Variants in MYRIP observed in about 807,000 individuals in gnomAD.
The protein encoded by MYRIP is myosin VIIA and Rab interacting protein.
A neutral mutation model predicts 98.0 loss-of-function variants in MYRIP; 49 were observed. That is an observed-to-expected ratio of 0.50 (90% confidence interval 0.40 to 0.63). The LOEUF (loss-of-function observed/expected upper bound fraction) is 0.63. Ranked by LOEUF, MYRIP falls within the 30% of genes least tolerant of loss-of-function variation. The pLI is 0.00. For missense variants in MYRIP, 1,004 were observed against 1,058.2 expected, an observed-to-expected ratio of 0.95 and a Z score of 0.71; for synonymous variants, 404 against 409.5, an observed-to-expected ratio of 0.99 and a Z score of 0.16.
chr3:39,809,666 G>A lies in MYRIP; in HGVS notation c.-281G>A, dbSNP rs1043343751. Reference sequence around the variant, plus strand: ...CTCCCTCGCAGCCGCTGCTGCCGACGCCGCTGCGCTCCCGCCTCCTGTCGG... The same window carrying A: ...CTCCCTCGCAGCCGCTGCTGCCGACACCGCTGCGCTCCCGCCTCCTGTCGG... On this transcript the variant is annotated 5_prime_UTR_variant, in exon 1 of 17. Coordinates refer to ENST00000302541, the MANE Select transcript of MYRIP (RefSeq NM_015460.4). 6.6e-6 allele frequency: 1 copy of A among 151,866 alleles called. No individual in the cohort carries two copies. The highest frequency in any genetic ancestry group is 2.4e-5 in the African/African-American group (1 of 41,402). 9.4% of individuals were successfully genotyped at this position (151,866 alleles called of 1,614,324 possible).
intron 3 of MYRIP, among the ~76,000 whole-genome samples, chr3:40,054,833 G>A (rs115226946): frequency 2.3e-3 from 354 of 152,286 alleles, no homozygotes; most frequent in African/African-American, 7.7e-3. Flanking sequence ...AACCGTCATC[G>A]TCTGCCGCAA....
intron 2 of MYRIP, among the ~76,000 whole-genome samples, chr3:40,034,168 A>C (rs953601393): frequency 1.3e-5 from 2 of 151,800 alleles, no homozygotes; most frequent in African/African-American, 4.8e-5. Context: ...ATGGGCAAGG[A>C]CTTCATGTCT....
intron 2 of MYRIP, among the ~76,000 whole-genome samples, chr3:39,985,160 A>G (rs1946001026): frequency 1.3e-5 from 2 of 151,872 alleles, no homozygotes; most frequent in South Asian, 4.2e-4. Context: ...TTATACACCA[A>G]CAACAGACAA....
chr3:40,172,471 T>A (rs1575594925), intron 8 of MYRIP, among the ~76,000 whole-genome samples: 1 of 152,108 alleles, frequency 6.6e-6, no homozygotes, highest in Admixed American at 6.5e-5. Context: ...GAATAGTGGT[T>A]GTGTGGCTAG....
intron 3 of MYRIP, among the ~76,000 whole-genome samples, chr3:40,056,579 C>G (rs1463330603): frequency 6.6e-6 from 1 of 152,176 alleles, no homozygotes; most frequent in African/African-American, 2.4e-5. Context: ...CCACTATGTG[C>G]TAGGCACTGC....
intron 4 of MYRIP, among the ~76,000 whole-genome samples, chr3:40,156,285 G>C (rs1314345153): frequency 4.6e-4 from 70 of 152,110 alleles, no homozygotes; most frequent in Middle Eastern, 3.4e-3. Flanking sequence ...TCAGGTTTGT[G>C]AAAGATCAGA....
In MYRIP at chr3:39,837,779, G is replaced by A. The variant is rs141390871; in HGVS notation, c.-31+27863G>A. 6.0e-3 allele frequency among the ~76,000 whole-genome samples: 912 copies of A among 152,238 alleles called. 8 individuals carry two copies. The highest frequency in any genetic ancestry group is 0.021 in the African/African-American group (865 of 41,532). ...AAGCCAATGGTAGCTTGATGGGAAT[G>A]GCATTGAATGTATAAACTACTTTGG... On this transcript the variant is annotated intron_variant, in intron 1 of 16. Coordinates refer to ENST00000302541, the MANE Select transcript of MYRIP (RefSeq NM_015460.4).
chr3:39,924,409 C>T (rs1944369758), intron 2 of MYRIP, among the ~76,000 whole-genome samples: 1 of 151,954 alleles, frequency 6.6e-6, no homozygotes, highest in South Asian at 2.1e-4. Context: ...TAATGATAAA[C>T]AGGTCGATCA....
intron 2 of MYRIP, among the ~76,000 whole-genome samples, chr3:40,040,633 G>T (rs1947490312): frequency 1.5e-5 from 1 of 68,568 alleles, no homozygotes; most frequent in Non-Finnish European, 2.7e-5. Flanking sequence ...TATACAACAT[G>T]GAATACTATG....
At chr3:40,170,158 T>TTAC in intron 8 of MYRIP, 65 bp downstream of exon 8, 1 of 1,551,922 alleles carries the variant, frequency 6.4e-7, no homozygotes, top group Non-Finnish European at 8.7e-7. Flanking sequence ...CATTTAACCC[T>TTAC]CTGTAGTTGA....
intron 2 of MYRIP, among the ~76,000 whole-genome samples, chr3:39,991,839 T>C (rs1946188769): frequency 6.6e-6 from 1 of 152,218 alleles, no homozygotes; most frequent in South Asian, 2.1e-4. Context: ...CATTATGTAG[T>C]GTAATGAATT....
At chr3:39,966,422 G>A (rs1333151222) in intron 2 of MYRIP, among the ~76,000 whole-genome samples, 1 of 152,158 alleles carries the variant, frequency 6.6e-6, no homozygotes, top group Admixed American at 6.6e-5. Flanking sequence ...AAGAATAATA[G>A]TTTCTTAAAG....
At chr3:40,079,857 T>C (rs1172245238) in intron 3 of MYRIP, among the ~76,000 whole-genome samples, 2 of 152,244 alleles carry the variant, frequency 1.3e-5, no homozygotes, top group African/African-American at 2.4e-5. Context: ...GTGAAGCATA[T>C]GTGATTCCTT....
chr3:40,072,395 G>C (rs114638466), intron 3 of MYRIP, among the ~76,000 whole-genome samples: 99 of 152,026 alleles, frequency 6.5e-4, no homozygotes, highest in Middle Eastern at 3.4e-3. Context: ...TTTTAGTAGA[G>C]ACGGTTTCAC....
At chr3:40,242,942 A>G (rs1217186830) in intron 12 of MYRIP, among the ~76,000 whole-genome samples, 2 of 152,162 alleles carry the variant, frequency 1.3e-5, no homozygotes, top group African/African-American at 4.8e-5. Context: ...TACCTTTGAA[A>G]TACTTATCAT....
At chr3:40,032,576 T>G (rs937050087) in intron 2 of MYRIP, among the ~76,000 whole-genome samples, 3 of 152,052 alleles carry the variant, frequency 2.0e-5, no homozygotes, top group African/African-American at 7.2e-5. Context: ...GTGGCAATAA[T>G]CAATAGCTTA....
chr3:39,966,089 A>G (rs1945434926), intron 2 of MYRIP, among the ~76,000 whole-genome samples: 1 of 152,150 alleles, frequency 6.6e-6, no homozygotes, highest in African/African-American at 2.4e-5. Flanking sequence ...GGCTACTCCA[A>G]GATCTCGAGG....
At chr3:40,167,923 C>G (rs1005424227) in intron 7 of MYRIP, among the ~76,000 whole-genome samples, 2 of 152,202 alleles carry the variant, frequency 1.3e-5, no homozygotes, top group African/African-American at 4.8e-5. Flanking sequence ...GTGAACATCA[C>G]TCCCCCAACA....
intron 2 of MYRIP, among the ~76,000 whole-genome samples, chr3:40,018,089 G>A (rs1445009855): frequency 6.6e-6 from 1 of 152,174 alleles, no homozygotes; most frequent in Non-Finnish European, 1.5e-5. Context: ...ACATGAATTA[G>A]TGTTGCCTGT....
Sources: gnomAD v4.1 joint callset for allele counts (sites outside exome capture counted in the v4.1 genomes callset) on GRCh38, gnomAD v4.1.1 for gene constraint, MANE v1.5 for transcripts, NCBI Gene and HGNC (gene_info 2026-07-23, HGNC 2026-07-21) for gene names.